The following ZBTB20 variants were observed in gnomAD, a reference collection of about 807,000 sequenced individuals.
The protein encoded by ZBTB20 is zinc finger and BTB domain-containing protein 20.
Under a neutral mutation model 56.9 loss-of-function variants are expected in ZBTB20, and 9 were observed. That is an observed-to-expected ratio of 0.16 (90% CI 0.10 to 0.28). The LOEUF (loss-of-function observed/expected upper bound fraction) is 0.28. Ranked by LOEUF, ZBTB20 falls within the 10% of genes least tolerant of loss-of-function variation. The pLI is 1.00. For synonymous variants in ZBTB20, 417 were observed against 420.7 expected, an observed-to-expected ratio of 0.99 and a Z score of 0.11; for missense variants, 655 against 1,003.0, an observed-to-expected ratio of 0.65 and a Z score of 4.69.
At chr3:114,602,040 G>A (rs1176128738) in intron 6 of ZBTB20, among the ~76,000 whole-genome samples, 2 of 151,952 alleles carry the variant, frequency 1.3e-5, no homozygotes, top group Non-Finnish European at 2.9e-5. Context: ...TAGATCAGTG[G>A]TAGAGAAAAG....
rs2079595107 is a variant in ZBTB20, at chr3:114,339,410, T to C, written c.1821A>G (p.Gln607=). Residue 607 remains glutamine, a synonymous_variant, in exon 12 of 12, where the codon CAA becomes CAG. Coordinates refer to ENST00000675478, the MANE Select transcript of ZBTB20 (RefSeq NM_001348800.3). This position sits in a 1 kb window ranked among gnomAD's most constrained non-coding sequence, Gnocchi z 4.2. ...MFVHTGEKPH[Q]CSICWRSFSL... ...AGAAGGAGCGCCAACAGATGCTGCA[T>C]TGGTGGGGCTTCTCACCTGTTGATG... 2 of 1,613,000 alleles carry C rather than the reference T, an allele frequency of 1.2e-6. No homozygotes were observed. Among genetic ancestry groups the C allele is most frequent in the East Asian group, 2.2e-5 (1 of 44,874 alleles).
chr3:114,959,831 A>G, intron 3 of ZBTB20, among the ~76,000 whole-genome samples: 1 of 152,048 alleles, frequency 6.6e-6, no homozygotes, highest in East Asian at 1.9e-4. Context: ...GGCAAATACA[A>G]AAGTCTTTCT....
At chr3:114,563,452 T>C (rs985180922) in intron 6 of ZBTB20, among the ~76,000 whole-genome samples, 1 of 152,196 alleles carries the variant, frequency 6.6e-6, no homozygotes, top group Non-Finnish European at 1.5e-5. Flanking sequence ...CTTAGAATGT[T>C]TAAATGAGAT....
At chr3:114,761,661 C>G (rs1486280554) in intron 5 of ZBTB20, among the ~76,000 whole-genome samples, 2 of 151,866 alleles carry the variant, frequency 1.3e-5, no homozygotes, top group Non-Finnish European at 2.9e-5. Flanking sequence ...ATGGTGAAAT[C>G]CTGTCTCTAA....
intron 2 of ZBTB20, among the ~76,000 whole-genome samples, chr3:115,036,461 C>A (rs2080926159): frequency 6.6e-6 from 1 of 152,150 alleles, no homozygotes; most frequent in Non-Finnish European, 1.5e-5. Context: ...TGTCACCAGG[C>A]TGGAGTGCAG....
chr3:115,144,394 T>G (rs746220077), intron 1 of ZBTB20, among the ~76,000 whole-genome samples: 2 of 152,190 alleles, frequency 1.3e-5, no homozygotes, highest in Non-Finnish European at 2.9e-5. Flanking sequence ...CTTTCACTAA[T>G]GCAACAAAAA....
chr3:114,466,139 A>G (rs1256191377), intron 7 of ZBTB20, among the ~76,000 whole-genome samples: 1 of 152,190 alleles, frequency 6.6e-6, no homozygotes, highest in Non-Finnish European at 1.5e-5. Flanking sequence ...TCAAGAATGC[A>G]GTGAGGGGAG....
intron 5 of ZBTB20, among the ~76,000 whole-genome samples, chr3:114,695,496 T>C (rs1194226833): frequency 3.3e-5 from 5 of 152,112 alleles, no homozygotes; most frequent in Middle Eastern, 6.8e-3. Flanking sequence ...GAAGCTATTC[T>C]GACAACAAGA....
intron 1 of ZBTB20, among the ~76,000 whole-genome samples, chr3:115,136,925 A>G (rs1311752101): frequency 6.6e-6 from 1 of 152,116 alleles, no homozygotes; most frequent in Non-Finnish European, 1.5e-5. Context: ...GTGAGATACA[A>G]ACAACATAGC....
intron 5 of ZBTB20, among the ~76,000 whole-genome samples, chr3:114,716,714 T>C (rs1177784464): frequency 6.6e-6 from 1 of 152,154 alleles, no homozygotes; most frequent in African/African-American, 2.4e-5. Context: ...TCATGGGTTG[T>C]TTGAAATGCA....
At chr3:115,084,181 T>C (rs902561664) in intron 1 of ZBTB20, among the ~76,000 whole-genome samples, 1 of 151,546 alleles carries the variant, frequency 6.6e-6, no homozygotes, top group Non-Finnish European at 1.5e-5. Context: ...ATCCTTACGA[T>C]GTTTACATAG....
chr3:114,616,967 T>A (rs886732637), intron 6 of ZBTB20, among the ~76,000 whole-genome samples: 2 of 152,206 alleles, frequency 1.3e-5, no homozygotes, highest in African/African-American at 4.8e-5. Context: ...TCTCCTCCTC[T>A]CTGTCTATTC....
At chr3:114,891,614 T>A (rs1209020876) in intron 4 of ZBTB20, among the ~76,000 whole-genome samples, 1 of 152,228 alleles carries the variant, frequency 6.6e-6, no homozygotes, top group East Asian at 1.9e-4. Flanking sequence ...AAAATGTAAG[T>A]AAATATATTG....
In ZBTB20 at chr3:114,986,952, T is replaced by C. The variant is rs557864834; in HGVS notation, c.-506-12536A>G. ...AATCATGATAACCAATAAATTGTAC[T>C]CTATGCTTCTGACATCCAATTCTGC... On this transcript the variant is annotated intron_variant, in intron 2 of 11. Coordinates refer to ENST00000675478, the MANE Select transcript of ZBTB20 (RefSeq NM_001348800.3). Among the ~76,000 whole-genome samples the C allele has an allele frequency of 1.1e-3, 165 of 152,264 alleles. 1 individual carries two copies. The highest frequency in any genetic ancestry group is 2.5e-3 in the South Asian group (12 of 4,828).
intron 2 of ZBTB20, among the ~76,000 whole-genome samples, chr3:115,019,474 T>C (rs1209497071): frequency 6.6e-6 from 1 of 151,284 alleles, no homozygotes; most frequent in Non-Finnish European, 1.5e-5. Context: ...GCAAATATTA[T>C]GTATATACAA....
At chr3:114,368,587 C>T (rs2082671342) in intron 10 of ZBTB20, among the ~76,000 whole-genome samples, 1 of 152,144 alleles carries the variant, frequency 6.6e-6, no homozygotes, top group Non-Finnish European at 1.5e-5. Context: ...GTTCTCTGAC[C>T]CTAATGTAAC....
intron 11 of ZBTB20, among the ~76,000 whole-genome samples, chr3:114,342,785 A>T (rs2079883837): frequency 6.6e-6 from 1 of 152,244 alleles, no homozygotes; most frequent in Non-Finnish European, 1.5e-5. Context: ...CTGAATTTTT[A>T]AAAAATTATT....
chr3:114,742,641 A>G (rs939454041), intron 5 of ZBTB20, among the ~76,000 whole-genome samples: 1 of 152,226 alleles, frequency 6.6e-6, no homozygotes, highest in African/African-American at 2.4e-5. Flanking sequence ...GTTGCATAGT[A>G]ACTAAGTGAA....
intron 5 of ZBTB20, among the ~76,000 whole-genome samples, chr3:114,794,185 TTTGCTGGGTAG>T (rs2071182232): frequency 1.3e-5 from 2 of 152,108 alleles, no homozygotes; most frequent in South Asian, 4.1e-4. Context: ...TGGTTCCTAC[TTTGCTGGGTAG>T]TTGCTGAGTG....
Sources: allele counts gnomAD v4.1 joint callset (sites outside exome capture counted in the v4.1 genomes callset), GRCh38; gene constraint gnomAD v4.1.1; non-coding constraint Gnocchi (gnomAD v3.1); transcripts MANE v1.5; gene names NCBI Gene and HGNC (gene_info 2026-07-23, HGNC 2026-07-21).